The following GFOD1 variants were observed in gnomAD, a reference collection of about 807,000 sequenced individuals.
GFOD1 encodes Gfo/Idh/MocA-like oxidoreductase domain containing 1, also known as glucose-fructose oxidoreductase domain-containing protein 1.
Under a neutral mutation model 25.4 loss-of-function variants are expected in GFOD1, and 9 were observed. The ratio of observed to expected loss-of-function variants is 0.35; its 90% confidence interval spans 0.21 to 0.62. The LOEUF (loss-of-function observed/expected upper bound fraction) is 0.62. Ranked by LOEUF, GFOD1 falls within the 20% of genes least tolerant of loss-of-function variation. The probability of loss-of-function intolerance (pLI) is 0.72; values close to 1 mark genes in which losing one functional copy is unlikely to be tolerated. For synonymous variants in GFOD1, 253 were observed against 245.6 expected (o/e 1.03, Z -0.28); for missense variants, 403 against 556.9 (o/e 0.72, Z 2.78).
At chr6:13,464,937 C>T (rs1000155503) in intron 1 of GFOD1, among the ~76,000 whole-genome samples, 1 of 150,672 alleles carries the variant, frequency 6.6e-6, no homozygotes, top group African/African-American at 2.5e-5. Flanking sequence ...TCTGAAGAAA[C>T]AGAAGTTTCC....
chr6:13,477,189 TTCACCAGAGAAACAGAACCAATAGG>T lies in GFOD1; in HGVS notation c.253+9424_253+9448del, dbSNP rs1286330509. ...CAGGCAAAATCTGTATTAGTCAGGG[TTCACCAGAGAAACAGAACCAATAGG>T]GGGTGTGTGTGTGTGTGTGTGTGTG... On this transcript the variant is annotated intron_variant, in intron 1 of 1. Coordinates refer to ENST00000379287, the MANE Select transcript of GFOD1 (RefSeq NM_018988.4). Among the ~76,000 whole-genome samples the T allele has an allele frequency of 1.3e-4, 19 of 147,446 alleles. 1 individual carries two copies. Among genetic ancestry groups the T allele is most frequent in the Admixed American group, 2.1e-4 (3 of 14,604 alleles).
chr6:13,380,223 A>G (rs1785335391), intron 1 of GFOD1, among the ~76,000 whole-genome samples: 1 of 152,240 alleles, frequency 6.6e-6, no homozygotes, highest in Admixed American at 6.5e-5. Context: ...TTTGCCACTC[A>G]TTCCATTCCG....
intron 1 of GFOD1, chr6:13,470,425 G>A: frequency 6.5e-7 from 1 of 1,550,024 alleles, no homozygotes; most frequent in Non-Finnish European, 8.7e-7. Context: ...GTGAACGGCT[G>A]TGCATATTAA....
chr6:13,371,822 C>T (rs979780555), intron 1 of GFOD1, among the ~76,000 whole-genome samples: 3 of 152,162 alleles, frequency 2.0e-5, no homozygotes, highest in African/African-American at 4.8e-5. Context: ...CATCACGCCA[C>T]GGCTCCATGC....
chr6:13,398,694 C>G (rs1368606747), intron 1 of GFOD1, among the ~76,000 whole-genome samples: 1 of 152,158 alleles, frequency 6.6e-6, no homozygotes, highest in Non-Finnish European at 1.5e-5. Context: ...GAAAGAGGCT[C>G]TGTTGAGCCA....
At chr6:13,483,776 C>G (rs1306641689) in intron 1 of GFOD1, among the ~76,000 whole-genome samples, 1 of 152,134 alleles carries the variant, frequency 6.6e-6, no homozygotes, top group Non-Finnish European at 1.5e-5. Flanking sequence ...GAAGAAATGA[C>G]TCCGGGGGAG....
intron 1 of GFOD1, among the ~76,000 whole-genome samples, chr6:13,432,996 T>A (rs1195289919): frequency 6.6e-6 from 1 of 152,228 alleles, no homozygotes; most frequent in Non-Finnish European, 1.5e-5. Flanking sequence ...TACAAGTTAA[T>A]TAGAAACATC....
intron 1 of GFOD1, among the ~76,000 whole-genome samples, chr6:13,389,738 T>C (rs1213562558): frequency 3.9e-5 from 6 of 152,158 alleles, no homozygotes; most frequent in Admixed American, 3.3e-4. Context: ...GTTCTGTACA[T>C]GTACCCTAGA....
At chr6:13,461,161 T>C (rs1323843484) in intron 1 of GFOD1, among the ~76,000 whole-genome samples, 2 of 152,236 alleles carry the variant, frequency 1.3e-5, no homozygotes, top group African/African-American at 4.8e-5. Context: ...CCTTCCACAC[T>C]GACTCCCTAG....
At chr6:13,370,033 G>C (rs977163771) in intron 1 of GFOD1, among the ~76,000 whole-genome samples, 2 of 152,098 alleles carry the variant, frequency 1.3e-5, no homozygotes, top group African/African-American at 4.8e-5. Flanking sequence ...AATCCACAAA[G>C]AGACAGGAAG....
chr6:13,375,726 T>TC (rs1488701580), intron 1 of GFOD1, among the ~76,000 whole-genome samples: 1 of 152,066 alleles, frequency 6.6e-6, no homozygotes, highest in African/African-American at 2.4e-5. Flanking sequence ...TTGTGAACCG[T>TC]CCCCCATGAC....
intron 1 of GFOD1, among the ~76,000 whole-genome samples, chr6:13,366,196 T>C (rs1785044693): frequency 6.6e-6 from 1 of 152,206 alleles, no homozygotes; most frequent in Admixed American, 6.5e-5. Flanking sequence ...TGTTTGTTTG[T>C]TTTTGAGACA....
At chr6:13,442,950 T>C (rs1757940249) in intron 1 of GFOD1, among the ~76,000 whole-genome samples, 1 of 152,228 alleles carries the variant, frequency 6.6e-6, no homozygotes, top group Non-Finnish European at 1.5e-5. Flanking sequence ...TAGATAGTGA[T>C]TCCTCTGAAG....
At chr6:13,411,364 T>G (rs1786074813) in intron 1 of GFOD1, among the ~76,000 whole-genome samples, 2 of 152,200 alleles carry the variant, frequency 1.3e-5, no homozygotes, top group Non-Finnish European at 2.9e-5. Context: ...CGATACCGGC[T>G]CACAGCAACC....
intron 1 of GFOD1, among the ~76,000 whole-genome samples, chr6:13,400,365 G>A (rs568977336): frequency 6.6e-5 from 10 of 152,146 alleles, no homozygotes; most frequent in African/African-American, 1.9e-4. Flanking sequence ...TTACCACTGC[G>A]GAAGCCACCA....
At chr6:13,448,805 G>T (rs574778983) in intron 1 of GFOD1, among the ~76,000 whole-genome samples, 1 of 152,216 alleles carries the variant, frequency 6.6e-6, no homozygotes, top group Non-Finnish European at 1.5e-5. Flanking sequence ...GGTGGACAGA[G>T]ATCTGGCTGT....
intron 1 of GFOD1, among the ~76,000 whole-genome samples, chr6:13,417,892 T>C (rs1261898914): frequency 6.6e-6 from 1 of 152,128 alleles, no homozygotes; most frequent in Non-Finnish European, 1.5e-5. Flanking sequence ...CCCCTCACCA[T>C]GGAGAGCACG....
chr6:13,369,383 A>G (rs1785105598), intron 1 of GFOD1, among the ~76,000 whole-genome samples: 1 of 152,240 alleles, frequency 6.6e-6, no homozygotes, highest in Admixed American at 6.5e-5. Flanking sequence ...TATTTATTAT[A>G]GCAAAAAACT....
chr6:13,467,823 A>G (rs1478109530), intron 1 of GFOD1, among the ~76,000 whole-genome samples: 1 of 152,244 alleles, frequency 6.6e-6, no homozygotes, highest in Non-Finnish European at 1.5e-5. Flanking sequence ...ATTCAGAGTC[A>G]TGCCCAATTA....
Sources: gnomAD v4.1 joint callset for allele counts (sites outside exome capture counted in the v4.1 genomes callset) on GRCh38, gnomAD v4.1.1 for gene constraint, MANE v1.5 for transcripts, NCBI Gene and HGNC (gene_info 2026-07-23, HGNC 2026-07-21) for gene names.